ELP3: variants seen among roughly 807,000 people sequenced by gnomAD.
The protein encoded by ELP3 is elongator complex protein 3.
A neutral mutation model predicts 74.9 loss-of-function variants in ELP3; 56 were observed. That is an observed-to-expected ratio of 0.75 (90% CI 0.60 to 0.93). The LOEUF (loss-of-function observed/expected upper bound fraction) is 0.93. Among genes scored for constraint, ELP3 ranks in the 40% least tolerant of loss-of-function variants. ELP3 has a pLI of 0.00. For synonymous variants in ELP3, 222 were observed against 239.8 expected (o/e 0.93, Z 0.68); for missense variants, 573 against 686.5 (o/e 0.83, Z 1.85).
At chr8:28,116,002 GT>G (rs1812116787) in intron 7 of ELP3, among the ~76,000 whole-genome samples, 1 of 152,120 alleles carries the variant, frequency 6.6e-6, no homozygotes, top group Non-Finnish European at 1.5e-5. Context: ...CCTAAGAGTG[GT>G]TTTTATTACC....
Position 28,104,364 on chromosome 8 carries a change from G to A in ELP3, c.259-2349G>A, listed in dbSNP as rs1811603981. Among the ~76,000 whole-genome samples, 5 of 152,150 alleles carry A rather than the reference G, an allele frequency of 3.3e-5. No homozygotes were observed. The South Asian group carries it at 1.0e-3, about 31-fold the overall frequency. On this transcript the variant is annotated intron_variant, in intron 3 of 14. Coordinates refer to ENST00000256398, the MANE Select transcript of ELP3 (RefSeq NM_018091.6). ...GACAATTAGGTCCATAACCCATTCTGAGTTTGTATTTGAGTTCGTGTTTGT... is the reference window on the plus strand; with the variant it reads ...GACAATTAGGTCCATAACCCATTCTAAGTTTGTATTTGAGTTCGTGTTTGT...
At chr8:28,108,167 A>G (rs1326342770) in intron 5 of ELP3, among the ~76,000 whole-genome samples, 191 bp downstream of exon 5, 1 of 152,240 alleles carries the variant, frequency 6.6e-6, no homozygotes, top group Non-Finnish European at 1.5e-5. Flanking sequence ...CACTAGAGAA[A>G]TACTTACATA....
At chr8:28,186,762 C>T (rs911863210) in intron 14 of ELP3, among the ~76,000 whole-genome samples, 4 of 152,164 alleles carry the variant, frequency 2.6e-5, no homozygotes, top group African/African-American at 9.7e-5. Context: ...TGTAAAACCA[C>T]TAGAACTCAT....
intron 14 of ELP3, among the ~76,000 whole-genome samples, chr8:28,189,356 G>C: frequency 6.6e-6 from 1 of 152,214 alleles, no homozygotes; most frequent in East Asian, 1.9e-4. Flanking sequence ...GAATACGCAG[G>C]CTCCAACACA....
chr8:28,097,549 A>C (rs1333891601), intron 2 of ELP3, among the ~76,000 whole-genome samples: 1 of 150,878 alleles, frequency 6.6e-6, no homozygotes, highest in African/African-American at 2.4e-5. Flanking sequence ...GGCGCCCGCC[A>C]CCACGCCTGG....
intron 8 of ELP3, among the ~76,000 whole-genome samples, chr8:28,131,479 A>G (rs1394287233): frequency 1.3e-5 from 2 of 152,248 alleles, no homozygotes; most frequent in East Asian, 1.9e-4. Context: ...GGAAGTCATC[A>G]GCAAAAAGAC....
chr8:28,187,160 G>A (rs530312886), intron 14 of ELP3, among the ~76,000 whole-genome samples: 1 of 152,186 alleles, frequency 6.6e-6, no homozygotes, highest in Admixed American at 6.5e-5. Context: ...CCCCACATCC[G>A]TTGGCAGATT....
upstream of ELP3, among the ~76,000 whole-genome samples, chr8:28,090,770 T>C (rs1290850867): frequency 6.6e-6 from 1 of 151,848 alleles, no homozygotes; most frequent in Non-Finnish European, 1.5e-5. Context: ...GTTGAAAGAG[T>C]TATTATCTAT....
chr8:28,175,746 G>A (rs1814722447), intron 14 of ELP3, among the ~76,000 whole-genome samples: 1 of 149,860 alleles, frequency 6.7e-6, no homozygotes, highest in African/African-American at 2.4e-5. Context: ...GGTAACTCTG[G>A]AAATCATTCT....
intron 10 of ELP3, among the ~76,000 whole-genome samples, chr8:28,143,185 A>C (rs1585702187): frequency 6.6e-6 from 1 of 152,178 alleles, no homozygotes; most frequent in South Asian, 2.1e-4. Flanking sequence ...GAGGTAGCTT[A>C]TGAGATTTCA....
intron 14 of ELP3, among the ~76,000 whole-genome samples, chr8:28,179,040 T>C (rs1814885429): frequency 6.6e-6 from 1 of 152,254 alleles, no homozygotes; most frequent in African/African-American, 2.4e-5. Context: ...TACTCGGATT[T>C]CTTTCAACCA....
At chr8:28,099,992 C>G (rs201635804) in intron 3 of ELP3, 26 bp downstream of exon 3, 1 of 1,613,830 alleles carries the variant, frequency 6.2e-7, no homozygotes, top group East Asian at 2.2e-5. Flanking sequence ...CATGAGGTAT[C>G]GACACACTGG....
chr8:28,140,937 A>G (rs1204286652), intron 10 of ELP3, among the ~76,000 whole-genome samples: 1 of 152,216 alleles, frequency 6.6e-6, no homozygotes, highest in East Asian at 1.9e-4. Flanking sequence ...ACATAAAACA[A>G]GGTTATGTAT....
intron 12 of ELP3, 146 bp from the exon 13 acceptor site, chr8:28,160,083 A>G: frequency 1.4e-6 from 1 of 707,988 alleles, no homozygotes. Flanking sequence ...GCTATTTGAG[A>G]GTAGACAAGT....
At chr8:28,161,937 AC>A in intron 13 of ELP3, 59 bp from the exon 14 acceptor site, 2 of 1,539,340 alleles carry the variant, frequency 1.3e-6, no homozygotes, top group South Asian at 2.3e-5. Flanking sequence ...TGTTTTATGG[AC>A]CCCTCTTAAT....
chr8:28,162,154 C>T, intron 14 of ELP3, 76 bp downstream of exon 14: 1 of 1,425,852 alleles, frequency 7.0e-7, no homozygotes, highest in Non-Finnish European at 9.9e-7. Context: ...ATGTTGGTAC[C>T]CTCTTGCCCC....
At chr8:28,104,616 G>A (rs980481973) in intron 3 of ELP3, among the ~76,000 whole-genome samples, 4 of 152,144 alleles carry the variant, frequency 2.6e-5, no homozygotes, top group African/African-American at 4.8e-5. Flanking sequence ...TTTGTAGCAC[G>A]TCCCTCAGTG....
chr8:28,123,260 A>C (rs9987184), intron 7 of ELP3, among the ~76,000 whole-genome samples: 80,285 of 152,096 alleles, frequency 0.53, 22,006 homozygotes, highest in East Asian at 0.89. Context: ...CCCTTTATAT[A>C]TATGTATTTG....
intron 5 of ELP3, 61 bp downstream of exon 5, chr8:28,108,037 T>G (rs1811767030): frequency 7.1e-7 from 1 of 1,408,260 alleles, no homozygotes; most frequent in Non-Finnish European, 9.9e-7. Flanking sequence ...TGTAGTATGG[T>G]TTTACCAGTA....
Sources: gnomAD v4.1 joint callset for allele counts (sites outside exome capture counted in the v4.1 genomes callset) on GRCh38, gnomAD v4.1.1 for gene constraint, MANE v1.5 for transcripts, NCBI Gene and HGNC (gene_info 2026-07-23, HGNC 2026-07-21) for gene names.